The following FTO variants were observed in gnomAD, a reference collection of about 807,000 sequenced individuals.
FTO encodes FTO alpha-ketoglutarate dependent dioxygenase, also known as alpha-ketoglutarate-dependent dioxygenase FTO.
Under a neutral mutation model 63.9 loss-of-function variants are expected in FTO, and 47 were observed. That is an observed-to-expected ratio of 0.74 (90% CI 0.58 to 0.94). FTO has a LOEUF of 0.94. Among genes scored for constraint, FTO ranks in the 40% least tolerant of loss-of-function variants. The pLI is 0.00. For missense variants in FTO, 562 were observed against 618.1 expected (o/e 0.91, Z 0.96); for synonymous variants, 207 against 224.4 (o/e 0.92, Z 0.69).
At chr16:53,994,738 CT>C (rs1358002441) in intron 8 of FTO, among the ~76,000 whole-genome samples, 40 of 147,166 alleles carry the variant, frequency 2.7e-4, no homozygotes, top group African/African-American at 4.0e-4. Context: ...GTGTTTCCTC[CT>C]TTTTTTTTTT....
intron 8 of FTO, among the ~76,000 whole-genome samples, chr16:54,048,107 T>A (rs1329909496): frequency 5.8e-4 from 27 of 46,866 alleles, no homozygotes; most frequent in Admixed American, 9.7e-4. Context: ...AAACTTAGAG[T>A]ATAATAAAAA....
intron 8 of FTO, among the ~76,000 whole-genome samples, chr16:53,957,019 G>T (rs1441948338): frequency 6.6e-6 from 1 of 152,158 alleles, no homozygotes; most frequent in Non-Finnish European, 1.5e-5. Context: ...TCTATAATAT[G>T]TAGATGTTTG....
chr16:54,022,338 G>T (rs1241068329), intron 8 of FTO, among the ~76,000 whole-genome samples: 1 of 152,024 alleles, frequency 6.6e-6, no homozygotes, highest in East Asian at 1.9e-4. Context: ...AACAACAACC[G>T]ACTTGCCCAG....
At chr16:53,878,711 G>A (rs2080737894) in intron 5 of FTO, among the ~76,000 whole-genome samples, 1 of 152,114 alleles carries the variant, frequency 6.6e-6, no homozygotes, top group South Asian at 2.1e-4. Context: ...ATCAAAACAG[G>A]CAGATGCACT....
rs1346515064 is a variant in FTO at position 54,046,272 on chromosome 16, C to A, written c.1365-65490C>A. Among the ~76,000 whole-genome samples the A allele has an allele frequency of 1.0e-4, 8 of 79,472 alleles. 1 individual carries two copies. The highest frequency in any genetic ancestry group is 1.4e-4 in the Non-Finnish European group (7 of 48,956). The allele number at this position is 79,472 out of a possible 152,430, so 52.1% of individuals were successfully genotyped here. ...GCAACTTCAGCAAAGTCTCAGGATA[C>A]AAAATCAATGTACAAAAATCACAAG... On this transcript the variant is annotated intron_variant, in intron 8 of 8. Coordinates refer to ENST00000471389, the MANE Select transcript of FTO (RefSeq NM_001080432.3).
At chr16:53,865,601 C>G (rs888717066) in intron 4 of FTO, among the ~76,000 whole-genome samples, 1 of 152,188 alleles carries the variant, frequency 6.6e-6, no homozygotes, top group Non-Finnish European at 1.5e-5. Context: ...AGTTCATTAG[C>G]ATGTCCTATT....
chr16:53,950,173 A>AC (rs1396824110), intron 8 of FTO, among the ~76,000 whole-genome samples: 10 of 142,482 alleles, frequency 7.0e-5, no homozygotes, highest in African/African-American at 2.6e-4. Flanking sequence ...AAAAAAAAAA[A>AC]AAAAAACTTA....
intron 8 of FTO, among the ~76,000 whole-genome samples, chr16:54,033,406 C>G (rs2084874113): frequency 6.6e-6 from 1 of 151,750 alleles, no homozygotes; most frequent in Admixed American, 6.6e-5. Flanking sequence ...AGAAATGAAG[C>G]AAAAAAATAA....
At chr16:54,058,389 C>T (rs1382481738) in intron 8 of FTO, among the ~76,000 whole-genome samples, 1 of 152,180 alleles carries the variant, frequency 6.6e-6, no homozygotes, top group Non-Finnish European at 1.5e-5. Context: ...TCCCAAAGTG[C>T]TGGGATTACA....
intron 7 of FTO, among the ~76,000 whole-genome samples, chr16:53,915,262 CTTTT>C (rs2081834845): frequency 6.6e-6 from 1 of 152,130 alleles, no homozygotes; most frequent in Admixed American, 6.5e-5. Flanking sequence ...TCCCTTCTTT[CTTTT>C]TAACACTTTA....
At chr16:54,056,615 C>A (rs1599287631) in intron 8 of FTO, among the ~76,000 whole-genome samples, 1 of 152,180 alleles carries the variant, frequency 6.6e-6, no homozygotes, top group African/African-American at 2.4e-5. Context: ...TTGTGAGCAA[C>A]CCTATGGAGA....
intron 1 of FTO, among the ~76,000 whole-genome samples, chr16:53,773,681 T>G (rs950534348): frequency 1.3e-5 from 2 of 152,160 alleles, no homozygotes; most frequent in Non-Finnish European, 2.9e-5. Context: ...ACAGGACTAG[T>G]TTTCGCACAT....
chr16:53,718,057 A>C, intron 1 of FTO, among the ~76,000 whole-genome samples: 1 of 152,084 alleles, frequency 6.6e-6, no homozygotes, highest in Non-Finnish European at 1.5e-5. Context: ...GTGCCCCACC[A>C]GTCTTTTGGT....
chr16:53,901,190 C>T (rs1269403907), intron 7 of FTO, among the ~76,000 whole-genome samples: 1 of 152,204 alleles, frequency 6.6e-6, no homozygotes, highest in African/African-American at 2.4e-5. Flanking sequence ...ATGAGAATTA[C>T]AAATGAGATT....
chr16:53,984,873 T>G, intron 8 of FTO: 1 of 453,020 alleles, frequency 2.2e-6, no homozygotes, highest in Middle Eastern at 3.3e-4. Context: ...AGCTGTCGCT[T>G]TTTCTCTTGG....
chr16:53,882,634 A>G (rs1385252569), intron 6 of FTO, among the ~76,000 whole-genome samples: 1 of 152,178 alleles, frequency 6.6e-6, no homozygotes, highest in Admixed American at 6.5e-5. Flanking sequence ...AAGAGGTCAT[A>G]GAGGTAGTTC....
chr16:53,810,871 C>G (rs1379969724), intron 2 of FTO, among the ~76,000 whole-genome samples: 1 of 152,188 alleles, frequency 6.6e-6, no homozygotes, highest in African/African-American at 2.4e-5. Context: ...TCAGTGTGAT[C>G]TCATGCTCAA....
At chr16:53,825,758 G>A (rs1460391517) in intron 2 of FTO, 106 bp from the exon 3 acceptor site, 1 of 1,275,884 alleles carries the variant, frequency 7.8e-7, no homozygotes, top group Non-Finnish European at 1.1e-6. Flanking sequence ...TAGCCACCAG[G>A]TAGTCCCCCC....
At chr16:53,933,515 G>T (rs1042686817) in intron 7 of FTO, among the ~76,000 whole-genome samples, 3 of 152,118 alleles carry the variant, frequency 2.0e-5, no homozygotes, top group African/African-American at 7.2e-5. Context: ...AACATTGCTG[G>T]CATGGGTAGA....
Sources: gnomAD v4.1 joint callset for allele counts (sites outside exome capture counted in the v4.1 genomes callset) on GRCh38, gnomAD v4.1.1 for gene constraint, MANE v1.5 for transcripts, NCBI Gene and HGNC (gene_info 2026-07-23, HGNC 2026-07-21) for gene names.